MYT1: variants seen among roughly 807,000 people sequenced by gnomAD.
MYT1 encodes the protein myelin transcription factor I.
A neutral mutation model predicts 123.0 loss-of-function variants in MYT1; 23 were observed. That is an observed-to-expected ratio of 0.19 (90% CI 0.13 to 0.26). The LOEUF (loss-of-function observed/expected upper bound fraction) is 0.26. MYT1 is among the 10% of genes least tolerant of loss of function. The probability of loss-of-function intolerance (pLI) is 1.00; values close to 1 mark genes in which losing one functional copy is unlikely to be tolerated. For synonymous variants in MYT1, 518 were observed against 575.3 expected, an observed-to-expected ratio of 0.90 and a Z score of 1.43; for missense variants, 1,125 against 1,472.5, an observed-to-expected ratio of 0.76 and a Z score of 3.86.
In MYT1 at chr20:64,196,139, G is replaced by T. The variant is rs1983111813; in HGVS notation, c.1-2723G>T. On this transcript the variant is annotated intron_variant, in intron 2 of 22. Transcript: ENST00000328439. This position sits in a 1 kb window ranked among gnomAD's most constrained non-coding sequence, Gnocchi z 4.3. ...GTGGGTTGCGCAAAAAAGGGACCTG[G>T]TTGGCTTGTGTTTGGAACAAGTAAA... Among the ~76,000 whole-genome samples the T allele has an allele frequency of 6.6e-6, 1 of 152,190 alleles. No homozygotes were observed. Among genetic ancestry groups the T allele is most frequent in the Non-Finnish European group, 1.5e-5 (1 of 68,038 alleles).
chr20:64,197,686 T>C (rs8119748), intron 2 of MYT1, among the ~76,000 whole-genome samples: 3,637 of 152,226 alleles, frequency 0.024, 149 homozygotes, highest in African/African-American at 0.082. Context: ...TAGGATTTAC[T>C]TGCCTGCCCA....
rs1043050590 is a variant in MYT1, at chr20:64,222,148, T to G, written c.2396+101T>G. ...CCATGACGACCGGGTCTGCTCAGGC[T>G]TTCCCCGACCTGTCCTGACCACCTC... is the stretch of plus-strand genomic sequence containing the variant. On this transcript the variant is annotated intron_variant, in intron 14 of 22. Transcript: ENST00000328439. 4 of 1,393,222 alleles carry G rather than the reference T, an allele frequency of 2.9e-6. No individual in the cohort carries two copies. In the African/African-American group the frequency reaches 5.7e-5, roughly 20 times the overall value. 86.3% of individuals were successfully genotyped at this position (1,393,222 alleles called of 1,614,324 possible).
At chr20:64,181,817 C>A (rs1982659493) in intron 1 of MYT1, among the ~76,000 whole-genome samples, 1 of 152,210 alleles carries the variant, frequency 6.6e-6, no homozygotes, top group Non-Finnish European at 1.5e-5. Context: ...GAGGCAGATG[C>A]TGGACCTAGT....
chr20:64,220,838 AGGGGCTGGATCAGGCCCCTATGAAGGGTG>A (rs1568716223), intron 13 of MYT1, among the ~76,000 whole-genome samples: 48 of 34,420 alleles, frequency 1.4e-3, no homozygotes, highest in South Asian at 3.2e-3. Context: ...TATGAAGGGT[AGGGGCTGGATCAGGCCCCTATGAAGGGTG>A]GGGGCTGGAT....
chr20:64,176,867 G>A (rs1366943425), intron 1 of MYT1, among the ~76,000 whole-genome samples: 1 of 152,228 alleles, frequency 6.6e-6, no homozygotes, highest in Non-Finnish European at 1.5e-5. Context: ...GGGATGACAG[G>A]CCGCCTGGAG....
Position 64,213,682 on chromosome 20 carries a change from C to T in MYT1, c.1631+35C>T, listed in dbSNP as rs774802414. 8 of 1,566,534 alleles carry T rather than the reference C, an allele frequency of 5.1e-6. No homozygotes were observed. The South Asian group carries it at 8.9e-5, about 17-fold the overall frequency. ...ATGAGCCACAGAACTGAAGAGGCTG[C>T]CTCCCAAATGCCTGCAGAGGGCTTC... On this transcript the variant is annotated intron_variant, in intron 10 of 22. Transcript: ENST00000328439. This position sits in a 1 kb window ranked among gnomAD's most constrained non-coding sequence, Gnocchi z 5.6.
rs1982796217 is a variant in MYT1, at chr20:64,186,202, T to G, written c.-98-3861T>G. Among the ~76,000 whole-genome samples the G allele has an allele frequency of 6.6e-6, 1 of 151,970 alleles. No homozygotes were observed. The highest frequency in any genetic ancestry group is 1.5e-5 in the Non-Finnish European group (1 of 67,984). On this transcript the variant is annotated intron_variant, in intron 1 of 22. Transcript: ENST00000328439. This position sits in a 1 kb window ranked among gnomAD's most constrained non-coding sequence, Gnocchi z 4.3. Reference sequence around the variant, plus strand: ...TGTGGGGCCACCATGGGGACAGATGTGGGGGTTACCTTGAGCAGGCAGGAC... The same window carrying G: ...TGTGGGGCCACCATGGGGACAGATGGGGGGGTTACCTTGAGCAGGCAGGAC...
At chr20:64,205,525 C>G (rs746743890) in intron 5 of MYT1, 28 bp from the exon 6 acceptor site, 1 of 1,611,514 alleles carries the variant, frequency 6.2e-7, no homozygotes, top group South Asian at 1.1e-5. Flanking sequence ...TAGCCTGGTC[C>G]TCTCCACTGC....
intron 11 of MYT1, 65 bp downstream of exon 11, chr20:64,217,346 G>T: frequency 6.4e-7 from 1 of 1,553,174 alleles, no homozygotes; most frequent in South Asian, 1.1e-5. Flanking sequence ...AGGATTCAAG[G>T]GGCAGTGGAG....
intron 2 of MYT1, among the ~76,000 whole-genome samples, chr20:64,198,286 C>CAAAAAAAAAAA (rs34822167): frequency 1.3e-4 from 3 of 23,830 alleles, no homozygotes; most frequent in African/African-American, 3.3e-4. Flanking sequence ...GACTCCGTCT[C>CAAAAAAAAAAA]AAAAAAAAAA....
rs2145713155 is a variant in MYT1, at chr20:64,203,524, T to G, written c.87-1511T>G. On this transcript the variant is annotated intron_variant, in intron 4 of 22. Coordinates refer to ENST00000328439, the MANE Select transcript of MYT1 (RefSeq NM_004535.3). This position sits in a 1 kb window ranked among gnomAD's most constrained non-coding sequence, Gnocchi z 5.1. ...TCGCTCTCTCCCTCTTCCTCCCTCTTCCCCTCCCTTCCCGTCTGGGTTCCC... is the reference window on the plus strand; with the variant it reads ...TCGCTCTCTCCCTCTTCCTCCCTCTGCCCCTCCCTTCCCGTCTGGGTTCCC... 6.6e-6 allele frequency among the ~76,000 whole-genome samples: 1 copy of G among 151,906 alleles called. No homozygotes were observed. The highest frequency in any genetic ancestry group is 1.9e-4 in the East Asian group (1 of 5,158).
intron 3 of MYT1, 143 bp downstream of exon 3, chr20:64,199,059 T>G: frequency 1.2e-6 from 1 of 845,686 alleles, no homozygotes; most frequent in Non-Finnish European, 1.8e-6. Flanking sequence ...TCCTCAGGGC[T>G]GCTGAGCTTT....
In MYT1 at chr20:64,191,548, G is replaced by A. The variant is rs1982971333; in HGVS notation, c.-1+1388G>A. On this transcript the variant is annotated intron_variant, in intron 2 of 22. Coordinates refer to ENST00000328439, the MANE Select transcript of MYT1 (RefSeq NM_004535.3). This position sits in a 1 kb window ranked among gnomAD's most constrained non-coding sequence, Gnocchi z 4.1. ...ATGGCTCAAGGACAGTGATGGCGTA[G>A]GGTGTAGGCAAGGAGGGCTATGCAG... 1 of 152,268 alleles carries A rather than the reference G, an allele frequency of 6.6e-6. No individual in the cohort carries two copies. Among genetic ancestry groups the A allele is most frequent in the South Asian group, 2.1e-4 (1 of 4,832 alleles). The allele number at this position is 152,268 out of a possible 1,614,324, so 9.4% of individuals were successfully genotyped here. A position where few individuals can be genotyped will look rare whatever the true frequency, so the allele number is the denominator to read the frequency against.
At chr20:64,222,710 A>G (rs747984403) in intron 14 of MYT1, among the ~76,000 whole-genome samples, 89 of 152,120 alleles carry the variant, frequency 5.9e-4, no homozygotes, top group Non-Finnish European at 1.6e-4. Context: ...TCTTCTCCCC[A>G]ACCTGAACCC....
intron 1 of MYT1, among the ~76,000 whole-genome samples, chr20:64,170,541 C>T (rs1008749856): frequency 2.0e-5 from 3 of 152,058 alleles, no homozygotes; most frequent in Non-Finnish European, 2.9e-5. Flanking sequence ...TGAATTATTC[C>T]TCCACTCTGT....
chr20:64,239,702 A>C (rs892509504), intron 21 of MYT1, 58 bp from the exon 22 acceptor site: 70 of 1,603,736 alleles, frequency 4.4e-5, no homozygotes, highest in Admixed American at 1.2e-4. Flanking sequence ...CCCAGAGAGG[A>C]CCCCCAGGAG....
chr20:64,216,866 G>GC, intron 10 of MYT1, among the ~76,000 whole-genome samples: 1 of 152,208 alleles, frequency 6.6e-6, no homozygotes, highest in East Asian at 1.9e-4. Flanking sequence ...TCACCGGCCT[G>GC]CTCTGGGAGC....
At position 64,203,232 on chromosome 20, in the gene MYT1, G is replaced by A. The variant is rs921317376; in HGVS notation, c.87-1803G>A. Among the ~76,000 whole-genome samples, 52 of 152,318 alleles carry A rather than the reference G, an allele frequency of 3.4e-4. 1 individual carries two copies. Among genetic ancestry groups the A allele is most frequent in the Middle Eastern group, 6.8e-3 (2 of 294 alleles). On this transcript the variant is annotated intron_variant, in intron 4 of 22. Transcript: ENST00000328439. This position sits in a 1 kb window ranked among gnomAD's most constrained non-coding sequence, Gnocchi z 5.1. ...GAGGGTGACGTGTTCAGGGCAGTCC[G>A]GTCCCCACAGGCCTCCACAGCAGCT...
At chr20:64,201,922 C>G (rs963436929) in intron 4 of MYT1, among the ~76,000 whole-genome samples, 1 of 141,990 alleles carries the variant, frequency 7.0e-6, no homozygotes, top group Non-Finnish European at 1.6e-5. Flanking sequence ...CCCCGCGTGT[C>G]GGGAACCCCC....
Sources: allele counts gnomAD v4.1 joint callset (sites outside exome capture counted in the v4.1 genomes callset), GRCh38; gene constraint gnomAD v4.1.1; non-coding constraint Gnocchi (gnomAD v3.1); transcripts MANE v1.5; gene names NCBI Gene and HGNC (gene_info 2026-07-23, HGNC 2026-07-21).